The following CCDC144A variants were observed in gnomAD, a reference collection of about 807,000 sequenced individuals.
The protein encoded by CCDC144A is coiled-coil domain-containing protein 144A.
CCDC144A carries 41 observed loss-of-function variants against 143.8 expected under a neutral mutation model. The observed-to-expected ratio is 0.29, with a 90% CI of 0.22 to 0.37. The LOEUF (loss-of-function observed/expected upper bound fraction) is 0.37, where lower values mean the gene tolerates loss of function less well. Ranked by LOEUF, CCDC144A falls within the 10% of genes least tolerant of loss-of-function variation. The probability of loss-of-function intolerance (pLI) is 1.00; values close to 1 mark genes in which losing one functional copy is unlikely to be tolerated. For missense variants in CCDC144A, 637 were observed against 1,488.8 expected, an observed-to-expected ratio of 0.43 and a Z score of 9.41; for synonymous variants, 242 against 517.9, an observed-to-expected ratio of 0.47 and a Z score of 7.23.
chr17:16,748,971 GTTAT>G (rs59024455), intron 12 of CCDC144A, among the ~76,000 whole-genome samples: 1,817 of 150,588 alleles, frequency 0.012, 25 homozygotes, highest in African/African-American at 0.03. Flanking sequence ...GATGTTCTCT[GTTAT>G]TTATTTATTT....
chr17:16,667,113 G>A, the CCDC144A span: 1 of 154,702 alleles, frequency 6.5e-6, no homozygotes, highest in Non-Finnish European at 1.4e-5. Context: ...CCGGCGGCCA[G>A]GAGCCAGTGG....
At chr17:16,708,344 A>T (rs1459993551) in intron 4 of CCDC144A, among the ~76,000 whole-genome samples, 2 of 152,134 alleles carry the variant, frequency 1.3e-5, no homozygotes, top group African/African-American at 2.4e-5. Flanking sequence ...TCCAGTTAGT[A>T]ATCTATGGAA....
chr17:16,698,466 C>T (rs915329288), intron 2 of CCDC144A, among the ~76,000 whole-genome samples: 1 of 152,182 alleles, frequency 6.6e-6, no homozygotes, highest in Non-Finnish European at 1.5e-5. Flanking sequence ...AAGAATACAC[C>T]TACCAAGAGT....
intron 12 of CCDC144A, among the ~76,000 whole-genome samples, chr17:16,748,314 C>T (rs537489696): frequency 7.2e-5 from 11 of 152,002 alleles, no homozygotes; most frequent in African/African-American, 2.7e-4. Context: ...GGATGATGGA[C>T]GTTATTGAAA....
intron 12 of CCDC144A, among the ~76,000 whole-genome samples, chr17:16,755,887 T>C (rs1915060806): frequency 6.6e-6 from 1 of 152,182 alleles, no homozygotes; most frequent in Non-Finnish European, 1.5e-5. Flanking sequence ...AAAGGATAGC[T>C]TTGCTAGGTA....
the CCDC144A span, among the ~76,000 whole-genome samples, chr17:16,667,774 T>C: frequency 1.9e-3 from 288 of 151,020 alleles, no homozygotes; most frequent in African/African-American, 3.3e-3. Flanking sequence ...ATCATTTTTA[T>C]GCTGACTTGA....
At chr17:16,738,635 T>C (rs1643239899) in intron 12 of CCDC144A, among the ~76,000 whole-genome samples, 2 of 152,370 alleles carry the variant, frequency 1.3e-5, no homozygotes, top group South Asian at 2.1e-4. Flanking sequence ...TTTCATCTTA[T>C]TGCTGAGTAA....
chr17:16,702,657 G>A (rs1320359140), intron 2 of CCDC144A, among the ~76,000 whole-genome samples: 1 of 152,210 alleles, frequency 6.6e-6, no homozygotes, highest in African/African-American at 2.4e-5. Context: ...AGTGTGGATA[G>A]TACTGAACCC....
chr17:16,748,904 T>G (rs990763009), intron 12 of CCDC144A, among the ~76,000 whole-genome samples: 5 of 152,198 alleles, frequency 3.3e-5, no homozygotes, highest in African/African-American at 1.2e-4. Context: ...GGATCTTTTG[T>G]ATTACTGTGG....
the CCDC144A span, among the ~76,000 whole-genome samples, chr17:16,677,164 C>T: frequency 1.3e-5 from 2 of 152,096 alleles, no homozygotes; most frequent in Admixed American, 1.3e-4. Flanking sequence ...TCCTTCTGCA[C>T]CTTCGTCCGT....
chr17:16,691,566 C>A (rs1911075937), intron 1 of CCDC144A, among the ~76,000 whole-genome samples: 1 of 151,746 alleles, frequency 6.6e-6, no homozygotes, highest in Non-Finnish European at 1.5e-5. Flanking sequence ...TTGAGAGCAT[C>A]CTGGCTAACA....
At chr17:16,768,793 T>TA (rs1915710693) in intron 15 of CCDC144A, among the ~76,000 whole-genome samples, 1 of 151,558 alleles carries the variant, frequency 6.6e-6, no homozygotes, top group African/African-American at 2.4e-5. Flanking sequence ...TATATTTCTT[T>TA]AAAAAAATTT....
At chr17:16,770,528 A>G (rs1185974869) in intron 15 of CCDC144A, among the ~76,000 whole-genome samples, 1 of 152,016 alleles carries the variant, frequency 6.6e-6, no homozygotes, top group South Asian at 2.1e-4. Context: ...GGCTCAGTGA[A>G]AGATCTGAAG....
intron 2 of CCDC144A, among the ~76,000 whole-genome samples, chr17:16,704,526 A>G (rs1911934794): frequency 6.6e-6 from 1 of 152,018 alleles, no homozygotes; most frequent in Admixed American, 6.6e-5. Context: ...TATTTTTGTT[A>G]TGTATTCCTT....
intron 4 of CCDC144A, among the ~76,000 whole-genome samples, chr17:16,708,161 T>C (rs1258446283): frequency 1.3e-5 from 2 of 152,182 alleles, no homozygotes; most frequent in African/African-American, 4.8e-5. Context: ...TTTAAAGTTT[T>C]AGTAAGTGTT....
the CCDC144A span, among the ~76,000 whole-genome samples, chr17:16,675,639 A>C: frequency 6.6e-6 from 1 of 152,234 alleles, no homozygotes; most frequent in Admixed American, 6.5e-5. Context: ...TGATTCTCTT[A>C]TTCGAAAATA....
chr17:16,675,850 C>T, the CCDC144A span, among the ~76,000 whole-genome samples: 1 of 152,002 alleles, frequency 6.6e-6, no homozygotes, highest in Admixed American at 6.6e-5. Flanking sequence ...TCACGCCATT[C>T]TCCTGCCTCA....
At chr17:16,688,989 C>T (rs573834169), upstream of CCDC144A, among the ~76,000 whole-genome samples, 1 of 152,234 alleles carries the variant, frequency 6.6e-6, no homozygotes, top group African/African-American at 2.4e-5. Context: ...CAGTGATTGG[C>T]TTTCTGTGGG....
intron 1 of CCDC144A, among the ~76,000 whole-genome samples, chr17:16,690,955 CTG>C (rs1295305680): frequency 2.0e-5 from 3 of 152,206 alleles, no homozygotes; most frequent in African/African-American, 7.2e-5. Flanking sequence ...CACTTCCCAA[CTG>C]TGTTTATCCA....
Sources: allele counts gnomAD v4.1 joint callset (sites outside exome capture counted in the v4.1 genomes callset), GRCh38; gene constraint gnomAD v4.1.1; transcripts MANE v1.5; gene names NCBI Gene and HGNC (gene_info 2026-07-23, HGNC 2026-07-21).